Variants in UBE3B observed in about 807,000 individuals in gnomAD.
The protein encoded by UBE3B is ubiquitin-protein ligase E3B.
In UBE3B, 80 loss-of-function variants were observed where a neutral mutation model predicts 132.3. The ratio of observed to expected loss-of-function variants is 0.60; its 90% CI spans 0.50 to 0.73. The LOEUF is 0.73. Among genes scored for constraint, UBE3B ranks in the 30% least tolerant of loss-of-function variants. The probability of loss-of-function intolerance (pLI) is 0.00; values close to 1 mark genes in which losing one functional copy is unlikely to be tolerated. For synonymous variants in UBE3B, 487 were observed against 520.4 expected, an observed-to-expected ratio of 0.94 and a Z score of 0.87; for missense variants, 1,196 against 1,362.5, an observed-to-expected ratio of 0.88 and a Z score of 1.92.
rs201336062 is a variant in UBE3B, at chr12:109,486,580, C to CAAAAAAAAAAAAAAAAAAA, written c.447+10_447+28dup. The CAAAAAAAAAAAAAAAAAAA allele has an allele frequency of 1.2e-5, 7 of 562,746 alleles. 1 individual carries two copies. The highest frequency in any genetic ancestry group is 9.6e-5 in the Admixed American group (2 of 20,854). 34.9% of individuals were successfully genotyped at this position (562,746 alleles called of 1,614,324 possible). ...GATTTTCTCAAGCAGCTCAAGGTAA[C>CAAAAAAAAAAAAAAAAAAA]AAAAAAAAAAAAAAAAAAAAAAAGC... is the stretch of plus-strand genomic sequence containing the variant. On this transcript the variant is annotated splice_donor_region_variant and intron_variant, in intron 6 of 27. Coordinates refer to ENST00000342494, the MANE Select transcript of UBE3B (RefSeq NM_130466.4).
At chr12:109,505,335 C>G (rs61941633) in intron 14 of UBE3B, among the ~76,000 whole-genome samples, 1 of 152,220 alleles carries the variant, frequency 6.6e-6, no homozygotes, top group East Asian at 1.9e-4. Flanking sequence ...CTCTGCCAGG[C>G]CCAGTGTCTC....
Position 109,521,513 on chromosome 12 carries a change from G to A in UBE3B, c.2326G>A (p.Glu776Lys), listed in dbSNP as rs372221466. The part of the protein sequence containing the change: ...YIHENYLQLF[E>K]FVGKMLGKAV... ...CCATGAGAATTACCTGCAGCTCTTC[G>A]AGTTTGTGGGGAAGATGCTGGGGAA... is the stretch of plus-strand genomic sequence containing the variant. The change falls in exon 21 of 28, where the codon GAG (glutamate) becomes AAG (lysine). Residue 776 changes from glutamate (E) to lysine (K), a missense_variant. By Grantham distance (56) the Glu-to-Lys change is moderately conservative. Coordinates refer to ENST00000342494, the MANE Select transcript of UBE3B (RefSeq NM_130466.4). The surrounding 1 kb of genome is among the most constrained non-coding windows in gnomAD (Gnocchi z 4.2). 16 of 1,601,322 alleles carry A rather than the reference G, an allele frequency of 1.0e-5. No homozygotes were observed. The East Asian group carries it at 2.0e-4, about 20-fold the overall frequency.
rs1013100968 is a variant in UBE3B, at chr12:109,509,654, G to T, written c.1681G>T (p.Val561Phe). 6.2e-7 allele frequency: 1 copy of T among 1,611,790 alleles called. No individual in the cohort carries two copies. The highest frequency in any genetic ancestry group is 1.7e-5 in the Admixed American group (1 of 59,258). ...EQISFKLEEL[V>F]TISSFLNSFV... is the part of the protein sequence containing the mutation. ...GATTTCATTCAAACTGGAAGAGCTG[G>T]TCACTATCTCCTCTTTCCTGAATTC... Residue 561 changes from valine to phenylalanine, a missense_variant, in exon 16 of 28, where the codon GTC becomes TTC. Val to Phe is a conservative substitution (Grantham distance 50). Transcript: ENST00000342494.
At chr12:109,497,708 A>G (rs1878410496) in intron 9 of UBE3B, 110 bp from the exon 10 acceptor site, 4 of 1,131,118 alleles carry the variant, frequency 3.5e-6, no homozygotes, top group Non-Finnish European at 3.9e-6. Context: ...GTTTTCTCAG[A>G]AATCCCACGC....
intron 9 of UBE3B, among the ~76,000 whole-genome samples, chr12:109,494,659 G>A (rs1333778867): frequency 6.6e-6 from 1 of 152,222 alleles, no homozygotes. Context: ...GCTAAAGAAA[G>A]ATTCTGTTGA....
the UBE3B span, among the ~76,000 whole-genome samples, chr12:109,547,679 C>T: frequency 2.6e-5 from 4 of 152,326 alleles, no homozygotes; most frequent in African/African-American, 4.8e-5. The surrounding 1 kb of genome is among the most constrained non-coding windows in gnomAD (Gnocchi z 4.1). Flanking sequence ...AGCGAAACCA[C>T]GTTTCCTTGA....
chr12:109,493,277 C>T (rs1272065626), intron 9 of UBE3B, among the ~76,000 whole-genome samples: 1 of 152,196 alleles, frequency 6.6e-6, no homozygotes, highest in Admixed American at 6.5e-5. Flanking sequence ...CTGGCAGACA[C>T]AGTGAAGGTC....
rs561849956 is a variant in UBE3B at position 109,534,424 on chromosome 12, T to G, written c.3016-167T>G. On this transcript the variant is annotated intron_variant, in intron 27 of 27. Coordinates refer to ENST00000342494, the MANE Select transcript of UBE3B (RefSeq NM_130466.4). The surrounding 1 kb of genome is among the most constrained non-coding windows in gnomAD (Gnocchi z 5.2). ...GTTCCTTCTCTGGAAGCCAGTCGTCTTGTGTCTGGGGCTTGACCTCGGGTA... is the reference window on the plus strand; with the variant it reads ...GTTCCTTCTCTGGAAGCCAGTCGTCGTGTGTCTGGGGCTTGACCTCGGGTA... 12 of 1,421,240 alleles carry G rather than the reference T, an allele frequency of 8.4e-6. No homozygotes were observed. In the East Asian group the frequency reaches 1.1e-4, roughly 13 times the overall value. The allele number at this position is 1,421,240 out of a possible 1,614,324, so 88.0% of individuals were successfully genotyped here. A position where few individuals can be genotyped will look rare whatever the true frequency, so the allele number is the denominator to read the frequency against.
At chr12:109,544,425 C>T in the UBE3B span, among the ~76,000 whole-genome samples, 1 of 152,138 alleles carries the variant, frequency 6.6e-6, no homozygotes, top group African/African-American at 2.4e-5. Flanking sequence ...GAGCAGGCCT[C>T]TGGGTGTTTC....
intron 26 of UBE3B, among the ~76,000 whole-genome samples, chr12:109,531,151 A>C (rs924450434): frequency 5.3e-5 from 8 of 152,124 alleles, no homozygotes; most frequent in Non-Finnish European, 8.8e-5. Context: ...ACACACATAC[A>C]CACCCACAGT....
Position 109,533,775 on chromosome 12 carries a change from C to G in UBE3B, c.3015+217C>G, listed in dbSNP as rs759425173. ...GGACTCAGCCCTCTCTCGGCAGCCC[C>G]TTTCTCTTTCCTTCCTCAGGGAAGG... On this transcript the variant is annotated intron_variant, in intron 27 of 27. Coordinates refer to ENST00000342494, the MANE Select transcript of UBE3B (RefSeq NM_130466.4). The G allele has an allele frequency of 3.7e-5, 32 of 861,338 alleles. No individual in the cohort carries two copies. The Middle Eastern group carries it at 1.7e-3, about 47-fold the overall frequency. 53.4% of individuals were successfully genotyped at this position (861,338 alleles called of 1,614,324 possible).
intron 9 of UBE3B, among the ~76,000 whole-genome samples, chr12:109,495,627 C>T (rs1426153145): frequency 1.3e-5 from 2 of 152,148 alleles, no homozygotes; most frequent in Non-Finnish European, 2.9e-5. Context: ...GATTTACCCA[C>T]GTATTTACTG....
At chr12:109,516,214 C>T (rs1044785783) in intron 18 of UBE3B, among the ~76,000 whole-genome samples, 10 of 143,016 alleles carry the variant, frequency 7.0e-5, no homozygotes, top group African/African-American at 2.6e-4. Flanking sequence ...CTCTGTCCCC[C>T]AGGCTGGAGT....
intron 15 of UBE3B, chr12:109,509,378 G>A (rs542492304): frequency 2.7e-6 from 1 of 373,140 alleles, no homozygotes; most frequent in East Asian, 4.4e-5. Flanking sequence ...TAGGTTTTAA[G>A]CTCTACATGC....
At chr12:109,485,936 C>T (rs1365609138) in intron 4 of UBE3B, 76 bp from the exon 5 acceptor site, 3 of 1,526,692 alleles carry the variant, frequency 2.0e-6, no homozygotes, top group African/African-American at 1.4e-5. Flanking sequence ...CAGGTACCCG[C>T]TGAAGGCTTG....
rs1020142692 is a variant in UBE3B, at chr12:109,503,779, G to A, written c.1450+589G>A. On this transcript the variant is annotated intron_variant, in intron 14 of 27. Coordinates refer to ENST00000342494, the MANE Select transcript of UBE3B (RefSeq NM_130466.4). ...GGGTATCACAGGCTTTTAGGTTGCA[G>A]CACAGTTGTTGTTATGAATTGGTCT... 3.9e-5 allele frequency among the ~76,000 whole-genome samples: 6 copies of A among 152,352 alleles called. No homozygotes were observed. In the East Asian group the frequency reaches 1.2e-3, roughly 29 times the overall value.
intron 19 of UBE3B, among the ~76,000 whole-genome samples, chr12:109,519,317 C>G (rs1415421513): frequency 6.6e-6 from 1 of 152,224 alleles, no homozygotes; most frequent in East Asian, 1.9e-4. Context: ...GACTCACATT[C>G]ACCTCCCAAG....
At position 109,501,330 on chromosome 12, in the gene UBE3B, A is replaced by G. The variant is rs200771801; in HGVS notation, c.1119-41A>G. The G allele has an allele frequency of 1.2e-4, 201 of 1,611,314 alleles. 1 individual carries two copies. The highest frequency in any genetic ancestry group is 3.0e-4 in the Admixed American group (18 of 59,924). ...TGTGGGCTGGCCCTGGCCCTGCATC[A>G]GATGGAACTGACAGACCAGGTCTCC... On this transcript the variant is annotated intron_variant, in intron 12 of 27. Transcript: ENST00000342494.
intron 14 of UBE3B, 68 bp downstream of exon 14, chr12:109,503,258 G>GT (rs1879222876): frequency 1.3e-6 from 2 of 1,563,356 alleles, no homozygotes; most frequent in Admixed American, 2.0e-5. Context: ...AGCAAAAGTC[G>GT]ATGTTTTTTT....
Sources: allele counts gnomAD v4.1 joint callset (sites outside exome capture counted in the v4.1 genomes callset), GRCh38; gene constraint gnomAD v4.1.1; non-coding constraint Gnocchi (gnomAD v3.1); transcripts MANE v1.5; gene names NCBI Gene and HGNC (gene_info 2026-07-23, HGNC 2026-07-21).